GTF2H5: variants seen among roughly 807,000 people sequenced by gnomAD.
GTF2H5 encodes TFB5 ortholog.
A neutral mutation model predicts 7.1 loss-of-function variants in GTF2H5; 5 were observed. The observed-to-expected ratio is 0.71, with a 90% CI of 0.37 to 1.49. The LOEUF (loss-of-function observed/expected upper bound fraction) is 1.49. Among genes scored for constraint, GTF2H5 ranks in the 40% most tolerant of loss-of-function variants. The pLI is 0.03. For missense variants in GTF2H5, 80 were observed against 83.0 expected (o/e 0.96, Z 0.14); for synonymous variants, 30 against 31.7 (o/e 0.95, Z 0.18).
At chr6:158,173,424 A>G (rs1017612361) in intron 2 of GTF2H5, among the ~76,000 whole-genome samples, 1 of 152,220 alleles carries the variant, frequency 6.6e-6, no homozygotes, top group Non-Finnish European at 1.5e-5. Context: ...AGTTAGATGC[A>G]GATGTTAGGA....
chr6:158,188,917 G>A (rs1242647278), intron 2 of GTF2H5, among the ~76,000 whole-genome samples: 1 of 151,650 alleles, frequency 6.6e-6, no homozygotes, highest in Non-Finnish European at 1.5e-5. Flanking sequence ...ATGATCTATG[G>A]CCCTGTTCAC....
At chr6:158,184,148 G>T (rs1776857295) in intron 2 of GTF2H5, among the ~76,000 whole-genome samples, 1 of 152,100 alleles carries the variant, frequency 6.6e-6, no homozygotes, top group East Asian at 1.9e-4. Flanking sequence ...ACAGAAGAAT[G>T]GCTATTTTCT....
In GTF2H5 at chr6:158,191,981, C is replaced by T. The variant is rs1047557491; in HGVS notation, c.40C>T (p.Pro14Ser). ...ATCATGTGTTTGTCTTTACAGTGAT[C>T]CTGCCATGAAGCAGTTTCTGCTGTA... ...VLKGVLIECDPAMKQFLLYLD... is the reference protein window; with the variant it reads ...VLKGVLIECDSAMKQFLLYLD... The change falls in exon 3 of 3, where the codon CCT (proline) becomes TCT (serine). Residue 14 changes from proline to serine, a missense_variant. By Grantham distance (74) the Pro-to-Ser change is moderately conservative (BLOSUM62 -1). Transcript: ENST00000607778. 5 of 1,613,176 alleles carry T rather than the reference C, an allele frequency of 3.1e-6. No individual in the cohort carries two copies. The highest frequency in any genetic ancestry group is 1.3e-5 in the African/African-American group (1 of 74,916).
At chr6:158,188,762 C>T (rs73794546) in intron 2 of GTF2H5, among the ~76,000 whole-genome samples, 2,283 of 152,290 alleles carry the variant, frequency 0.015, 65 homozygotes, top group African/African-American at 0.052. Flanking sequence ...ATCCTCCTGT[C>T]ACCAGCTGTT....
At chr6:158,184,959 C>A (rs1277873748) in intron 2 of GTF2H5, among the ~76,000 whole-genome samples, 1 of 152,080 alleles carries the variant, frequency 6.6e-6, no homozygotes, top group African/African-American at 2.4e-5. Context: ...ACTTCCAGGG[C>A]AAAGTTGTTT....
At chr6:158,178,030 T>C (rs1288797785) in intron 2 of GTF2H5, among the ~76,000 whole-genome samples, 2 of 152,216 alleles carry the variant, frequency 1.3e-5, no homozygotes. Context: ...ACAATAAACA[T>C]ACATGTGCAT....
At chr6:158,190,691 T>G (rs1329770339) in intron 2 of GTF2H5, 2 of 444,566 alleles carry the variant, frequency 4.5e-6, no homozygotes, top group Admixed American at 5.3e-5. Context: ...TTTTCTTGTT[T>G]TCAGTAAATT....
chr6:158,188,359 A>C (rs1776963365), intron 2 of GTF2H5, among the ~76,000 whole-genome samples: 1 of 152,140 alleles, frequency 6.6e-6, no homozygotes, highest in Non-Finnish European at 1.5e-5. Context: ...GAAACAACTA[A>C]ATTTTTAAAG....
chr6:158,172,963 G>A (rs549600320), intron 2 of GTF2H5, among the ~76,000 whole-genome samples: 1 of 152,040 alleles, frequency 6.6e-6, no homozygotes, highest in Non-Finnish European at 1.5e-5. Context: ...AATTCTACCT[G>A]GTCTCTCTAA....
intron 2 of GTF2H5, among the ~76,000 whole-genome samples, chr6:158,174,811 A>G (rs998358825): frequency 1.3e-5 from 2 of 152,234 alleles, no homozygotes; most frequent in South Asian, 2.1e-4. Flanking sequence ...AGAAATATGT[A>G]TTATTAAACT....
rs1785932184 is a variant in GTF2H5, at chr6:158,176,237, T to G, written c.35+5699T>G. Among the ~76,000 whole-genome samples, 5 of 148,188 alleles carry G rather than the reference T, an allele frequency of 3.4e-5. No homozygotes were observed. The South Asian group carries it at 1.1e-3, about 31-fold the overall frequency. On this transcript the variant is annotated intron_variant, in intron 2 of 2. Coordinates refer to ENST00000607778, the MANE Select transcript of GTF2H5 (RefSeq NM_207118.3). ...AAGTATAATATTGTGTTTGCTTTTG[T>G]TTTTTTTTTGAAACGGAGTCTCACT...
At chr6:158,188,716 G>A (rs1205516827) in intron 2 of GTF2H5, among the ~76,000 whole-genome samples, 1 of 152,096 alleles carries the variant, frequency 6.6e-6, no homozygotes, top group Admixed American at 6.5e-5. Flanking sequence ...GCTTAAATCA[G>A]TGACCATTAT....
intron 1 of GTF2H5, among the ~76,000 whole-genome samples, chr6:158,169,930 G>A (rs1355098390): frequency 6.7e-6 from 1 of 149,832 alleles, no homozygotes; most frequent in Non-Finnish European, 1.5e-5. Context: ...TGAGGTGGGA[G>A]GATCGCTTGA....
intron 1 of GTF2H5, among the ~76,000 whole-genome samples, chr6:158,169,949 G>A (rs973874911): frequency 6.6e-6 from 1 of 150,458 alleles, no homozygotes; most frequent in African/African-American, 2.5e-5. Context: ...GAACCCAGGA[G>A]GCAAGAGGTT....
At position 158,198,220 on chromosome 6, in the gene GTF2H5, C is replaced by T. The variant is rs1257472243; in HGVS notation, c.*6063C>T. 1 of 152,164 alleles carries T rather than the reference C, an allele frequency of 6.6e-6. No individual in the cohort carries two copies. Among genetic ancestry groups the T allele is most frequent in the Non-Finnish European group, 1.5e-5 (1 of 68,036 alleles). The allele number at this position is 152,164 out of a possible 1,614,324, so 9.4% of individuals were successfully genotyped here. A position where few individuals can be genotyped will look rare whatever the true frequency, so the allele number is the denominator to read the frequency against. ...AACAGAGCATTGGGTAGCTAGTCCA[C>T]CAGCGGTCTGATGCTTTCATTGATC... On this transcript the variant is annotated 3_prime_UTR_variant, in exon 3 of 3. Coordinates refer to ENST00000607778, the MANE Select transcript of GTF2H5 (RefSeq NM_207118.3).
At chr6:158,185,540 CA>C (rs35857314) in intron 2 of GTF2H5, among the ~76,000 whole-genome samples, 474 of 81,540 alleles carry the variant, frequency 5.8e-3, no homozygotes, top group Middle Eastern at 0.014. Context: ...GGCCCTGTCT[CA>C]AAAAAAAAAA....
intron 2 of GTF2H5, among the ~76,000 whole-genome samples, chr6:158,178,720 T>C (rs1173653379): frequency 6.6e-6 from 1 of 152,200 alleles, no homozygotes; most frequent in African/African-American, 2.4e-5. Flanking sequence ...CTTGTAAATT[T>C]GTTTAAGTTC....
intron 2 of GTF2H5, among the ~76,000 whole-genome samples, chr6:158,175,044 G>GTATATATGTGTGTGTGTGTGTGTGTGTA (rs1554267664): frequency 1.1e-4 from 15 of 142,776 alleles, no homozygotes; most frequent in Non-Finnish European, 1.8e-4. Flanking sequence ...GTGTGTGTGT[G>GTATATATGTGTGTGTGTGTGTGTGTGTA]TATACACACA....
At position 158,198,012 on chromosome 6, in the gene GTF2H5, A is replaced by G. The variant is rs1038604676; in HGVS notation, c.*5855A>G. The G allele has an allele frequency of 1.3e-5, 2 of 152,192 alleles. No individual in the cohort carries two copies. Among genetic ancestry groups the G allele is most frequent in the East Asian group, 1.9e-4 (1 of 5,206 alleles). The allele number at this position is 152,192 out of a possible 1,614,324, so 9.4% of individuals were successfully genotyped here. On this transcript the variant is annotated 3_prime_UTR_variant, in exon 3 of 3. Transcript: ENST00000607778. ...TATTTTATTTTTATCTTTTAATTCT[A>G]TTTTTCCATGAACTTTTTGAAGTCC...
Sources: allele counts gnomAD v4.1 joint callset (sites outside exome capture counted in the v4.1 genomes callset), GRCh38; gene constraint gnomAD v4.1.1; transcripts MANE v1.5; gene names NCBI Gene and HGNC (gene_info 2026-07-23, HGNC 2026-07-21).